Variants in SLCO1B1 observed in about 807,000 individuals in gnomAD.
SLCO1B1 encodes the protein solute carrier organic anion transporter family member 1B1.
Under a neutral mutation model 70.1 loss-of-function variants are expected in SLCO1B1, and 81 were observed. The observed-to-expected ratio is 1.16, with a 90% CI of 0.97 to 1.39. The LOEUF is 1.39. SLCO1B1 is among the 40% of genes most tolerant of loss of function. The probability of loss-of-function intolerance (pLI) is 0.00; values close to 1 mark genes in which losing one functional copy is unlikely to be tolerated. For synonymous variants in SLCO1B1, 283 were observed against 271.5 expected, an observed-to-expected ratio of 1.04 and a Z score of -0.42; for missense variants, 895 against 799.6, an observed-to-expected ratio of 1.12 and a Z score of -1.44.
intron 1 of SLCO1B1, among the ~76,000 whole-genome samples, chr12:21,136,400 C>G (rs1176710002): frequency 2.6e-5 from 4 of 152,160 alleles, no homozygotes; most frequent in Middle Eastern, 3.2e-3. Flanking sequence ...TGGGGAAGTT[C>G]TCCTGGATAA....
At chr12:21,140,339 A>T (rs1298403975) in intron 1 of SLCO1B1, among the ~76,000 whole-genome samples, 2 of 152,110 alleles carry the variant, frequency 1.3e-5, no homozygotes, top group Non-Finnish European at 2.9e-5. Flanking sequence ...TTGTTTACAT[A>T]CATAGGAGCA....
Position 21,209,983 on chromosome 12 carries a change from T to C in SLCO1B1, c.1497+3950T>C, listed in dbSNP as rs373621258. ...AGCCCTTTGTCAGATGAGTAGGTTG[T>C]GAAAATTTTCTCCCATTTTGTAGGT... On this transcript the variant is annotated intron_variant, in intron 11 of 14. Transcript: ENST00000256958. Among the ~76,000 whole-genome samples the C allele has an allele frequency of 5.8e-3, 852 of 146,508 alleles. No homozygotes were observed. The East Asian group carries it at 0.089, about 15-fold the overall frequency.
chr12:21,189,489 C>A (rs915222062), intron 7 of SLCO1B1, among the ~76,000 whole-genome samples: 14 of 151,926 alleles, frequency 9.2e-5, no homozygotes, highest in African/African-American at 1.2e-4. Context: ...ACTCTGTCAC[C>A]CAGGCTGGAG....
At chr12:21,202,736 A>T in intron 10 of SLCO1B1, 50 bp downstream of exon 10, 1 of 1,417,526 alleles carries the variant, frequency 7.1e-7, no homozygotes, top group South Asian at 1.2e-5. Context: ...CCATCAAATT[A>T]AGAGTCTCTG....
intron 8 of SLCO1B1, among the ~76,000 whole-genome samples, chr12:21,198,928 A>T (rs907602573): frequency 3.3e-5 from 5 of 152,026 alleles, no homozygotes; most frequent in Non-Finnish European, 7.4e-5. Flanking sequence ...GAATGTATAT[A>T]CTCCATTTCT....
intron 11 of SLCO1B1, among the ~76,000 whole-genome samples, chr12:21,216,772 G>A (rs1941362540): frequency 6.6e-6 from 1 of 152,114 alleles, no homozygotes; most frequent in African/African-American, 2.4e-5. Flanking sequence ...GTCCAAAAGA[G>A]TATGTGCTCT....
intron 7 of SLCO1B1, among the ~76,000 whole-genome samples, chr12:21,194,696 C>A (rs1290490179): frequency 6.6e-6 from 1 of 152,208 alleles, no homozygotes; most frequent in Non-Finnish European, 1.5e-5. Context: ...TTTCAGGTAT[C>A]CTTATAGCAA....
intron 1 of SLCO1B1, among the ~76,000 whole-genome samples, chr12:21,137,557 C>T (rs748019983): frequency 1.3e-5 from 2 of 152,192 alleles, no homozygotes; most frequent in Admixed American, 6.5e-5. Context: ...CTCCCCCAGC[C>T]TCGCTGCCAC....
intron 2 of SLCO1B1, among the ~76,000 whole-genome samples, chr12:21,155,648 C>G (rs550429749): frequency 2.6e-5 from 4 of 152,290 alleles, no homozygotes; most frequent in Non-Finnish European, 4.4e-5. Flanking sequence ...GGATAGAACT[C>G]TGTCATTGTG....
intron 2 of SLCO1B1, 94 bp downstream of exon 2, chr12:21,141,752 A>T (rs1283012469): frequency 9.7e-6 from 7 of 724,144 alleles, no homozygotes; most frequent in Non-Finnish European, 1.4e-5. Flanking sequence ...TTATGTTTCA[A>T]ATTATAATTT....
intron 7 of SLCO1B1, among the ~76,000 whole-genome samples, chr12:21,186,061 A>C (rs761148579): frequency 1.3e-5 from 2 of 151,998 alleles, no homozygotes; most frequent in Admixed American, 6.6e-5. Flanking sequence ...TAAAAAACCT[A>C]CTGACCAAAA....
At chr12:21,165,919 A>C (rs1438405511) in intron 2 of SLCO1B1, among the ~76,000 whole-genome samples, 1 of 152,174 alleles carries the variant, frequency 6.6e-6, no homozygotes, top group Non-Finnish European at 1.5e-5. Context: ...ACTTAGACAA[A>C]AGTTCAACAG....
chr12:21,142,133 G>A (rs956913927), intron 2 of SLCO1B1, among the ~76,000 whole-genome samples: 33 of 151,238 alleles, frequency 2.2e-4, no homozygotes, highest in Middle Eastern at 3.5e-3. Context: ...CTCATGGAAC[G>A]GAGGTCTATG....
At chr12:21,220,815 T>TAAAAA (rs35163063) in intron 12 of SLCO1B1, among the ~76,000 whole-genome samples, 1 of 121,550 alleles carries the variant, frequency 8.2e-6, no homozygotes, top group South Asian at 2.5e-4. Flanking sequence ...AAGACTGGTC[T>TAAAAA]AAAAAAAAAA....
At chr12:21,207,033 G>A (rs1941222933) in intron 11 of SLCO1B1, among the ~76,000 whole-genome samples, 3 of 151,874 alleles carry the variant, frequency 2.0e-5, no homozygotes. Context: ...ATGGCCCAAA[G>A]ACTACTTAAA....
At chr12:21,180,971 T>C (rs886526265) in intron 7 of SLCO1B1, among the ~76,000 whole-genome samples, 2 of 152,210 alleles carry the variant, frequency 1.3e-5, no homozygotes, top group Non-Finnish European at 2.9e-5. Context: ...TTACAAAGTA[T>C]ACTTTGGCAA....
chr12:21,164,988 G>C lies in SLCO1B1; in HGVS notation c.85-7662G>C, dbSNP rs4149034. 1.9e-5 allele frequency: 7 copies of C among 367,386 alleles called. No homozygotes were observed. In the East Asian group the frequency reaches 4.9e-4, roughly 26 times the overall value. 22.8% of individuals were successfully genotyped at this position (367,386 alleles called of 1,614,324 possible). A position where few individuals can be genotyped will look rare whatever the true frequency, so the allele number is the denominator to read the frequency against. The stretch of plus-strand genomic sequence containing the variant: ...TTACTGCCCTTGTTCCTGTTCCTCT[G>C]TACCTGCCTCAACTACATAGCTTAG... On this transcript the variant is annotated intron_variant, in intron 2 of 14. Transcript: ENST00000256958.
intron 12 of SLCO1B1, among the ~76,000 whole-genome samples, chr12:21,218,012 C>T (rs1941380379): frequency 6.6e-6 from 1 of 152,028 alleles, no homozygotes; most frequent in Non-Finnish European, 1.5e-5. Context: ...AAGAAAGATT[C>T]AAAAGGAAAG....
At chr12:21,192,597 T>C (rs1941044039) in intron 7 of SLCO1B1, among the ~76,000 whole-genome samples, 1 of 152,094 alleles carries the variant, frequency 6.6e-6, no homozygotes, top group Admixed American at 6.5e-5. Flanking sequence ...TATTTATTTC[T>C]TCTCTAATCT....
Sources: allele counts gnomAD v4.1 joint callset (sites outside exome capture counted in the v4.1 genomes callset), GRCh38; gene constraint gnomAD v4.1.1; transcripts MANE v1.5; gene names NCBI Gene and HGNC (gene_info 2026-07-23, HGNC 2026-07-21).